The following MARCHF6 variants were observed in gnomAD, a reference collection of about 807,000 sequenced individuals.
MARCHF6 encodes E3 ubiquitin-protein ligase MARCHF6.
In MARCHF6, 31 loss-of-function variants were observed where a neutral mutation model predicts 133.7. The ratio of observed to expected loss-of-function variants is 0.23; its 90% confidence interval spans 0.17 to 0.31. The LOEUF is 0.31. MARCHF6 is among the 10% of genes least tolerant of loss of function. MARCHF6 has a pLI of 1.00. For missense variants in MARCHF6, 723 were observed against 1,121.6 expected (o/e 0.64, Z 5.08); for synonymous variants, 395 against 402.5 (o/e 0.98, Z 0.22).
At position 10,402,047 on chromosome 5, in the gene MARCHF6, T is replaced by C; in HGVS notation, c.973-12T>C. On this transcript the variant is annotated splice_polypyrimidine_tract_variant and intron_variant, in intron 11 of 25. Transcript: ENST00000274140. Reference sequence around the variant, plus strand: ...TAAAATTAAATTTTATTTACTTTTTTCTTATTTCCAGGTCCAAGCATCTCA... The same window carrying C: ...TAAAATTAAATTTTATTTACTTTTTCCTTATTTCCAGGTCCAAGCATCTCA... The C allele has an allele frequency of 6.4e-7, 1 of 1,554,136 alleles. No homozygotes were observed. The highest frequency in any genetic ancestry group is 8.9e-7 in the Non-Finnish European group (1 of 1,125,976).
intron 13 of MARCHF6, 34 bp from the exon 14 acceptor site, chr5:10,402,499 T>G: frequency 1.2e-6 from 2 of 1,612,216 alleles, no homozygotes; most frequent in Non-Finnish European, 1.7e-6. Flanking sequence ...CTCCTACATT[T>G]GGGTGATACT....
At chr5:10,414,008 C>T (rs941321785) in intron 19 of MARCHF6, among the ~76,000 whole-genome samples, 1 of 152,192 alleles carries the variant, frequency 6.6e-6, no homozygotes, top group African/African-American at 2.4e-5. Flanking sequence ...ATCAAATGCT[C>T]AGTAGCCACA....
intron 19 of MARCHF6, among the ~76,000 whole-genome samples, chr5:10,412,236 T>G (rs1304922356): frequency 1.3e-5 from 2 of 152,188 alleles, no homozygotes; most frequent in East Asian, 1.9e-4. Flanking sequence ...ATGTCTTAAG[T>G]GTCTATGATT....
At chr5:10,385,872 A>G (rs1737435063) in intron 4 of MARCHF6, among the ~76,000 whole-genome samples, 1 of 152,220 alleles carries the variant, frequency 6.6e-6, no homozygotes, top group African/African-American at 2.4e-5. Flanking sequence ...AAGATTTAAC[A>G]GTTATTAATC....
chr5:10,401,061 G>T, intron 11 of MARCHF6: 1 of 489,582 alleles, frequency 2.0e-6, no homozygotes, highest in South Asian at 2.7e-5. Context: ...AATCCAGTCA[G>T]CTGGGTGGGC....
chr5:10,426,138 A>C (rs1014367395), intron 23 of MARCHF6, among the ~76,000 whole-genome samples: 4 of 152,214 alleles, frequency 2.6e-5, no homozygotes, highest in African/African-American at 9.6e-5. Flanking sequence ...TAGAGTATAA[A>C]TTATTCTAGA....
intron 1 of MARCHF6, among the ~76,000 whole-genome samples, chr5:10,368,721 A>T (rs1736283394): frequency 6.6e-6 from 1 of 151,960 alleles, no homozygotes; most frequent in Admixed American, 6.6e-5. Context: ...CTGGTACTAC[A>T]GGTGTGCGCC....
At chr5:10,372,075 AAAAG>A (rs1736504191) in intron 1 of MARCHF6, among the ~76,000 whole-genome samples, 2 of 152,174 alleles carry the variant, frequency 1.3e-5, no homozygotes, top group Non-Finnish European at 2.9e-5. Flanking sequence ...CCAAAAAAAA[AAAAG>A]AGAGACATAG....
chr5:10,353,868 T>G lies in MARCHF6; in HGVS notation c.-31T>G. ...TCCCCGCCCGGCCGCGGGAGCCTCG[T>G]GGCTGCGTCACCGCCGCCCCCCCAG... On this transcript the variant is annotated 5_prime_UTR_variant, in exon 1 of 26. Transcript: ENST00000274140. The G allele has an allele frequency of 1.3e-6, 2 of 1,556,614 alleles. No homozygotes were observed. Among genetic ancestry groups the G allele is most frequent in the Non-Finnish European group, 1.7e-6 (2 of 1,154,988 alleles).
At chr5:10,414,400 C>T in intron 19 of MARCHF6, 33 bp from the exon 20 acceptor site, 1 of 1,262,200 alleles carries the variant, frequency 7.9e-7, no homozygotes, top group Non-Finnish European at 1.2e-6. Context: ...CACGTGTTCT[C>T]TATTTATGCA....
chr5:10,354,983 A>G (rs1385362863), intron 1 of MARCHF6, among the ~76,000 whole-genome samples: 2 of 152,324 alleles, frequency 1.3e-5, no homozygotes, highest in East Asian at 3.9e-4. Flanking sequence ...TACCTCAACT[A>G]TAACATGTGG....
chr5:10,406,401 T>G (rs1738890686), intron 16 of MARCHF6, among the ~76,000 whole-genome samples: 1 of 152,002 alleles, frequency 6.6e-6, no homozygotes, highest in Non-Finnish European at 1.5e-5. Context: ...TTCTTTTTTT[T>G]TTTTTTGAGA....
chr5:10,439,421 A>G lies in MARCHF6; in HGVS notation c.*5737A>G, dbSNP rs1740772214. ...AAATCCAACACCAAAAGCACAATCC[A>G]TGAAGGAAAAATCGATAAATTGTAC... On this transcript the variant is annotated 3_prime_UTR_variant, in exon 26 of 26. Coordinates refer to ENST00000274140, the MANE Select transcript of MARCHF6 (RefSeq NM_005885.4). 1.3e-5 allele frequency: 2 copies of G among 152,250 alleles called. No homozygotes were observed. The highest frequency in any genetic ancestry group is 2.9e-5 in the Non-Finnish European group (2 of 68,046). 9.4% of individuals were successfully genotyped at this position (152,250 alleles called of 1,614,324 possible).
intron 13 of MARCHF6, 24 bp downstream of exon 13, chr5:10,402,476 T>G: frequency 1.9e-6 from 3 of 1,613,084 alleles, no homozygotes; most frequent in Non-Finnish European, 1.7e-6. Context: ...TAACTTAAAA[T>G]TGGAAATGAT....
chr5:10,409,120 C>T (rs893995831), intron 17 of MARCHF6, among the ~76,000 whole-genome samples: 3 of 152,120 alleles, frequency 2.0e-5, no homozygotes, highest in African/African-American at 7.2e-5. Context: ...TGCGCCCAGC[C>T]TCTTATTTGG....
intron 22 of MARCHF6, among the ~76,000 whole-genome samples, chr5:10,420,122 A>C (rs1218354857): frequency 6.6e-6 from 1 of 152,126 alleles, no homozygotes; most frequent in East Asian, 1.9e-4. Context: ...CTTCATAGCT[A>C]AGTAACCTCA....
chr5:10,420,997 G>T (rs546882018), intron 22 of MARCHF6, among the ~76,000 whole-genome samples: 46 of 152,102 alleles, frequency 3.0e-4, no homozygotes, highest in Non-Finnish European at 6.5e-4. Context: ...CTCTTACTGA[G>T]GGGCCCCAAG....
intron 1 of MARCHF6, among the ~76,000 whole-genome samples, chr5:10,374,218 G>A (rs945895654): frequency 1.1e-4 from 17 of 152,232 alleles, no homozygotes; most frequent in African/African-American, 3.9e-4. Context: ...TAGTTGGAAA[G>A]AGTCCAGTTT....
chr5:10,419,280 CGTAATTATAA>C (rs1479114839), intron 22 of MARCHF6, among the ~76,000 whole-genome samples: 3 of 152,098 alleles, frequency 2.0e-5, no homozygotes, highest in African/African-American at 7.2e-5. Flanking sequence ...ATAGTCACTA[CGTAATTATAA>C]AATTACGTAG....
Sources: allele counts gnomAD v4.1 joint callset (sites outside exome capture counted in the v4.1 genomes callset), GRCh38; gene constraint gnomAD v4.1.1; transcripts MANE v1.5; gene names NCBI Gene and HGNC (gene_info 2026-07-23, HGNC 2026-07-21).